Variants in TENM2 observed in about 807,000 individuals in gnomAD.
The protein encoded by TENM2 is teneurin-2.
A neutral mutation model predicts 245.2 loss-of-function variants in TENM2; 52 were observed. The ratio of observed to expected loss-of-function variants is 0.21; its 90% CI spans 0.17 to 0.27. The LOEUF is 0.27. Among genes scored for constraint, TENM2 ranks in the 10% least tolerant of loss-of-function variants. The pLI, the probability that TENM2 is intolerant of heterozygous loss-of-function variation, is 1.00. For missense variants in TENM2, 3,046 were observed against 3,666.8 expected (o/e 0.83, Z 4.37); for synonymous variants, 1,363 against 1,438.9 (o/e 0.95, Z 1.19).
rs753378972 is a variant in TENM2 at position 168,098,146 on chromosome 5, C to T, written c.1813+19C>T. The T allele has an allele frequency of 9.5e-5, 150 of 1,585,738 alleles. No individual in the cohort carries two copies. The highest frequency in any genetic ancestry group is 1.2e-4 in the Non-Finnish European group (144 of 1,155,916). On this transcript the variant is annotated intron_variant, in intron 9 of 28. Transcript: ENST00000518659. ...GCTAAAGGTATGTGCCGCCACTTCC[C>T]TGCTATGGTTGGAAAACAGACCCTC...
At chr5:167,655,587 A>T (rs571775431) in intron 2 of TENM2, among the ~76,000 whole-genome samples, 2 of 152,372 alleles carry the variant, frequency 1.3e-5, no homozygotes, top group South Asian at 4.1e-4. Context: ...TTTTATCATG[A>T]CACTTTGCTG....
intron 8 of TENM2, among the ~76,000 whole-genome samples, chr5:168,093,801 A>T (rs1793144406): frequency 6.6e-6 from 1 of 152,206 alleles, no homozygotes; most frequent in Admixed American, 6.5e-5. Flanking sequence ...ATAATATTTA[A>T]CTGAGTGCTG....
chr5:168,011,098 C>T (rs375448437), intron 5 of TENM2, among the ~76,000 whole-genome samples: 10 of 152,272 alleles, frequency 6.6e-5, no homozygotes, highest in Middle Eastern at 3.4e-3. Flanking sequence ...TTCTGCAGTC[C>T]GGATAGAGTA....
At chr5:168,255,159 G>A (rs1387935535) in intron 27 of TENM2, among the ~76,000 whole-genome samples, 3 of 152,220 alleles carry the variant, frequency 2.0e-5, no homozygotes, top group Non-Finnish European at 4.4e-5. Flanking sequence ...GATTTGATGT[G>A]GTATACAGAT....
At chr5:167,709,746 CT>C (rs1474702538) in intron 2 of TENM2, among the ~76,000 whole-genome samples, 1 of 152,134 alleles carries the variant, frequency 6.6e-6, no homozygotes, top group African/African-American at 2.4e-5. Context: ...TACACCTTGT[CT>C]CTTCAAGAAA....
At chr5:167,927,111 T>C (rs545959377) in intron 3 of TENM2, among the ~76,000 whole-genome samples, 1 of 152,236 alleles carries the variant, frequency 6.6e-6, no homozygotes, top group African/African-American at 2.4e-5. Context: ...TGTGTGCACA[T>C]ACAAGTCTTA....
chr5:167,700,381 C>T (rs953969788), intron 2 of TENM2, among the ~76,000 whole-genome samples: 1 of 152,238 alleles, frequency 6.6e-6, no homozygotes, highest in Non-Finnish European at 1.5e-5. Flanking sequence ...CGAATCCCCA[C>T]AACCCTTGGG....
chr5:167,629,446 G>A (rs573755152), intron 2 of TENM2, among the ~76,000 whole-genome samples: 1 of 152,226 alleles, frequency 6.6e-6, no homozygotes, highest in East Asian at 1.9e-4. Flanking sequence ...TATAAAACTT[G>A]TACACTTAAA....
At chr5:167,518,549 C>T (rs184628727) in intron 2 of TENM2, among the ~76,000 whole-genome samples, 2 of 152,220 alleles carry the variant, frequency 1.3e-5, no homozygotes, top group African/African-American at 2.4e-5. Flanking sequence ...CACAGGTTAA[C>T]CGATGTTTTA....
At position 167,672,096 on chromosome 5, in the gene TENM2, AGAT is replaced by A. The variant is rs1179681098; in HGVS notation, c.503-203886_503-203884del. Among the ~76,000 whole-genome samples the A allele has an allele frequency of 2.0e-5, 3 of 152,124 alleles. No individual in the cohort carries two copies. In the East Asian group the frequency reaches 5.8e-4, roughly 29 times the overall value. Reference sequence around the variant, plus strand: ...AAAATTATGCAGTGAAAACAAACCAAGATGATTTATAGTAAATCTGTGTTAGAG... The same window carrying A: ...AAAATTATGCAGTGAAAACAAACCAAGATTTATAGTAAATCTGTGTTAGAG... On this transcript the variant is annotated intron_variant, in intron 2 of 28. Coordinates refer to ENST00000518659, the Ensembl canonical transcript of TENM2.
the TENM2 span, among the ~76,000 whole-genome samples, chr5:167,016,031 G>A: frequency 6.6e-6 from 1 of 151,972 alleles, no homozygotes; most frequent in Admixed American, 6.6e-5. Context: ...AAGGCGGGCG[G>A]ATCACGAGGT....
the TENM2 span, among the ~76,000 whole-genome samples, chr5:167,245,434 T>C: frequency 6.6e-6 from 1 of 152,038 alleles, no homozygotes; most frequent in Non-Finnish European, 1.5e-5. Context: ...GACACAAACT[T>C]TCTGGATGAC....
chr5:167,465,495 A>G (rs1177577332), intron 2 of TENM2, among the ~76,000 whole-genome samples: 1 of 152,186 alleles, frequency 6.6e-6, no homozygotes, highest in Non-Finnish European at 1.5e-5. Flanking sequence ...CTATGAAAGT[A>G]TTATTAATCT....
chr5:167,890,760 A>T (rs576503703), intron 3 of TENM2, among the ~76,000 whole-genome samples: 8 of 152,244 alleles, frequency 5.3e-5, no homozygotes, highest in East Asian at 1.9e-4. Context: ...AATCTCAGTT[A>T]TCTAGCTTGT....
intron 2 of TENM2, among the ~76,000 whole-genome samples, chr5:167,727,100 A>G (rs531492556): frequency 3.2e-5 from 4 of 125,426 alleles, no homozygotes; most frequent in Non-Finnish European, 6.5e-5. Flanking sequence ...GAATCCATTA[A>G]TTTCTTTTTT....
intron 2 of TENM2, among the ~76,000 whole-genome samples, chr5:167,382,164 A>C (rs997661032): frequency 1.3e-5 from 2 of 152,192 alleles, no homozygotes; most frequent in African/African-American, 4.8e-5. Flanking sequence ...CCTACTTTAA[A>C]AACTTTAGCT....
At chr5:167,465,875 C>T (rs745871187) in intron 2 of TENM2, among the ~76,000 whole-genome samples, 80 of 151,994 alleles carry the variant, frequency 5.3e-4, no homozygotes, top group Non-Finnish European at 1.0e-3. Flanking sequence ...GGTCACAAAA[C>T]TACACTATGA....
chr5:167,791,914 CA>C (rs1205467902), intron 2 of TENM2, among the ~76,000 whole-genome samples: 1 of 152,130 alleles, frequency 6.6e-6, no homozygotes, highest in African/African-American at 2.4e-5. Flanking sequence ...TCCAGGGAGC[CA>C]TCATCCCCAC....
At chr5:168,146,141 CT>C in intron 12 of TENM2, among the ~76,000 whole-genome samples, 1 of 151,924 alleles carries the variant, frequency 6.6e-6, no homozygotes, top group African/African-American at 2.4e-5. Context: ...GACAATTTGA[CT>C]TCCTCTTTTC....
Sources: gnomAD v4.1 joint callset for allele counts (sites outside exome capture counted in the v4.1 genomes callset) on GRCh38, gnomAD v4.1.1 for gene constraint, MANE v1.5 for transcripts, NCBI Gene and HGNC (gene_info 2026-07-23, HGNC 2026-07-21) for gene names.